NEBL: variants seen among roughly 807,000 people sequenced by gnomAD.
NEBL encodes nebulette.
NEBL carries 122 observed loss-of-function variants against 140.2 expected under a neutral mutation model. The ratio of observed to expected loss-of-function variants is 0.87; its 90% CI spans 0.75 to 1.01. The LOEUF is 1.01. Among genes scored for constraint, NEBL ranks in the 50% least tolerant of loss-of-function variants. NEBL has a pLI of 0.00. For missense variants in NEBL, 1,365 were observed against 1,231.3 expected, an observed-to-expected ratio of 1.11 and a Z score of -1.62; for synonymous variants, 436 against 398.9, an observed-to-expected ratio of 1.09 and a Z score of -1.11.
At chr10:20,999,648 A>C (rs1379231586) in intron 3 of NEBL, among the ~76,000 whole-genome samples, 2 of 151,908 alleles carry the variant, frequency 1.3e-5, no homozygotes, top group Non-Finnish European at 2.9e-5. Context: ...CTGATTCTAT[A>C]TCCAGGATCT....
chr10:21,273,563 A>G (rs765817207), intron 1 of NEBL, among the ~76,000 whole-genome samples: 2 of 152,014 alleles, frequency 1.3e-5, no homozygotes, highest in Non-Finnish European at 2.9e-5. Flanking sequence ...GGAAGTGGAC[A>G]GTCCCTCCCT....
chr10:21,050,148 A>C (rs1029076546), intron 2 of NEBL, among the ~76,000 whole-genome samples: 4 of 152,206 alleles, frequency 2.6e-5, no homozygotes, highest in Non-Finnish European at 5.9e-5. Flanking sequence ...CATTCTTTAT[A>C]ATCTATCTTT....
chr10:21,268,569 G>A (rs1345244635), intron 1 of NEBL, among the ~76,000 whole-genome samples: 1 of 150,804 alleles, frequency 6.6e-6, no homozygotes, highest in Non-Finnish European at 1.5e-5. Flanking sequence ...TGTCACCCAG[G>A]CTGGAGTGCA....
At chr10:20,904,406 T>C (rs901358602) in intron 4 of NEBL, among the ~76,000 whole-genome samples, 7 of 152,336 alleles carry the variant, frequency 4.6e-5, no homozygotes, top group African/African-American at 1.7e-4. Context: ...TGTTTATGTT[T>C]TATGAGAGTC....
At chr10:21,215,725 A>G (rs1841982768) in intron 3 of NEBL, among the ~76,000 whole-genome samples, 2 of 152,192 alleles carry the variant, frequency 1.3e-5, no homozygotes, top group African/African-American at 2.4e-5. Flanking sequence ...CAGTAGCACA[A>G]TCACAGCTCA....
chr10:20,974,233 C>T (rs1338203259), intron 3 of NEBL, among the ~76,000 whole-genome samples: 1 of 151,848 alleles, frequency 6.6e-6, no homozygotes, highest in Non-Finnish European at 1.5e-5. Flanking sequence ...ACTTCAAAGA[C>T]CATCGCTTAG....
chr10:21,202,017 G>T (rs1402192321), intron 3 of NEBL, among the ~76,000 whole-genome samples: 1 of 152,104 alleles, frequency 6.6e-6, no homozygotes, highest in Admixed American at 6.6e-5. Flanking sequence ...ATTTTGCACT[G>T]TAGTCTGATT....
At chr10:20,999,865 T>A (rs1459779494) in intron 3 of NEBL, among the ~76,000 whole-genome samples, 1 of 152,064 alleles carries the variant, frequency 6.6e-6, no homozygotes, top group Non-Finnish European at 1.5e-5. Flanking sequence ...TATACTCTAA[T>A]TCAAAGAAAT....
intron 4 of NEBL, among the ~76,000 whole-genome samples, chr10:20,948,032 G>C (rs1049524199): frequency 1.3e-5 from 2 of 152,234 alleles, no homozygotes; most frequent in African/African-American, 4.8e-5. Context: ...TGATGGATTT[G>C]TGCTGGGCCA....
chr10:21,103,793 C>G (rs1837586834), intron 2 of NEBL, among the ~76,000 whole-genome samples: 1 of 152,124 alleles, frequency 6.6e-6, no homozygotes, highest in Non-Finnish European at 1.5e-5. Flanking sequence ...TTTTCATTTT[C>G]ATAAAGTCAA....
intron 2 of NEBL, among the ~76,000 whole-genome samples, chr10:20,890,550 C>T (rs890501963): frequency 4.6e-5 from 7 of 152,202 alleles, no homozygotes; most frequent in Admixed American, 2.6e-4. Flanking sequence ...TCCTCCTGAG[C>T]GCAGAGAAGA....
intron 4 of NEBL, among the ~76,000 whole-genome samples, chr10:20,938,979 G>C (rs1589043735): frequency 6.6e-6 from 1 of 152,186 alleles, no homozygotes; most frequent in Non-Finnish European, 1.5e-5. Flanking sequence ...ACCTGAAAGT[G>C]ATGGGGAGAA....
At chr10:21,176,365 A>G (rs1257126457), upstream of NEBL, among the ~76,000 whole-genome samples, 2 of 152,206 alleles carry the variant, frequency 1.3e-5, no homozygotes, top group Non-Finnish European at 2.9e-5. Context: ...GTATGAATGA[A>G]ATGAACAAAT....
At chr10:21,051,513 T>A (rs905490425) in intron 2 of NEBL, among the ~76,000 whole-genome samples, 2 of 151,530 alleles carry the variant, frequency 1.3e-5, no homozygotes, top group Admixed American at 6.6e-5. Context: ...ATAATATACA[T>A]AAAAGAAAAT....
intron 26 of NEBL, 79 bp from the exon 27 acceptor site, chr10:20,787,387 G>A: frequency 9.1e-7 from 1 of 1,098,452 alleles, no homozygotes; most frequent in Non-Finnish European, 1.4e-6. Context: ...TCAGAGTGAT[G>A]TTATGCTCTG....
chr10:21,078,650 G>A (rs1191628178), intron 2 of NEBL, among the ~76,000 whole-genome samples: 2 of 152,162 alleles, frequency 1.3e-5, no homozygotes, highest in Admixed American at 1.3e-4. Context: ...GACTTTAAAG[G>A]TTTTGATTGT....
In NEBL at chr10:21,044,984, A is replaced by G. The variant is rs191512536; in HGVS notation, c.165-24783T>C. On this transcript the variant is annotated intron_variant, in intron 2 of 6. Transcript: ENST00000417816. ...TCACTGGAAACTAGTGAAAATAAAAAAAGTATAATTGGCTTGAAATACAGG... is the reference window on the plus strand; with the variant it reads ...TCACTGGAAACTAGTGAAAATAAAAGAAGTATAATTGGCTTGAAATACAGG... Among the ~76,000 whole-genome samples the G allele has an allele frequency of 2.2e-3, 337 of 152,370 alleles. 1 individual carries two copies. The highest frequency in any genetic ancestry group is 7.6e-3 in the African/African-American group (315 of 41,592).
chr10:21,057,236 G>C (rs1350098117), intron 2 of NEBL, among the ~76,000 whole-genome samples: 1 of 151,962 alleles, frequency 6.6e-6, no homozygotes, highest in East Asian at 1.9e-4. Context: ...ATGACACCTG[G>C]TTGGGAGAAC....
intron 3 of NEBL, among the ~76,000 whole-genome samples, chr10:21,240,259 T>G (rs372096690): frequency 1.3e-5 from 2 of 152,208 alleles, no homozygotes; most frequent in East Asian, 1.9e-4. Flanking sequence ...TTTTACACAC[T>G]GAAAATCCCT....
Sources: allele counts gnomAD v4.1 joint callset (sites outside exome capture counted in the v4.1 genomes callset), GRCh38; gene constraint gnomAD v4.1.1; transcripts MANE v1.5; gene names NCBI Gene and HGNC (gene_info 2026-07-23, HGNC 2026-07-21).